RSPH9: variants seen among roughly 807,000 people sequenced by gnomAD.
RSPH9 encodes the protein radial spoke head component 9, also known as radial spoke head protein 9 homolog.
In RSPH9, 27 loss-of-function variants were observed where a neutral mutation model predicts 27.0. The observed-to-expected ratio is 1.00, with a 90% confidence interval of 0.74 to 1.38. RSPH9 has a LOEUF of 1.38. Ranked by LOEUF, RSPH9 falls within the 40% of genes most tolerant of loss-of-function variation. RSPH9 has a pLI of 0.00. For synonymous variants in RSPH9, 145 were observed against 147.7 expected (o/e 0.98, Z 0.13); for missense variants, 347 against 357.4 (o/e 0.97, Z 0.24).
In RSPH9 at chr6:43,655,612, C is replaced by T. The variant is rs1771921920; in HGVS notation, c.444C>T (p.Asp148=). The T allele has an allele frequency of 6.2e-7, 1 of 1,614,072 alleles. No homozygotes were observed. The highest frequency in any genetic ancestry group is 1.3e-5 in the African/African-American group (1 of 74,926). The change falls in exon 3 of 5, where the codon GAC becomes GAT. Residue 148 remains aspartate (D), a synonymous_variant. Transcript: ENST00000372163. ...TGGTGTCTGTCATTGACCAGATTGA[C>T]AAGGCTGTGGCCATCATCCCCCGAG... ...TRLVSVIDQI[D]KAVAIIPRGA... is the part of the protein sequence containing the mutation.
intron 1 of RSPH9, 59 bp downstream of exon 1, chr6:43,645,384 T>TGGGGGGGGGG: frequency 8.9e-6 from 1 of 112,666 alleles, no homozygotes; most frequent in East Asian, 2.6e-4. Context: ...CAGGGCGGGG[T>TGGGGGGGGGG]GGGCGGGTCG....
intron 1 of RSPH9, among the ~76,000 whole-genome samples, chr6:43,650,167 G>A (rs1771298246): frequency 6.6e-6 from 1 of 152,222 alleles, no homozygotes; most frequent in African/African-American, 2.4e-5. Context: ...GCTCACCTCA[G>A]CCTCCCAAAG....
Position 43,672,513 on chromosome 6 carries a change from C to A in RSPH9, c.*1564C>A. 1 of 454,892 alleles carries A rather than the reference C, an allele frequency of 2.2e-6. No homozygotes were observed. Among genetic ancestry groups the A allele is most frequent in the Non-Finnish European group, 4.6e-6 (1 of 216,854 alleles). 28.2% of individuals were successfully genotyped at this position (454,892 alleles called of 1,614,324 possible). On this transcript the variant is annotated 3_prime_UTR_variant, in exon 5 of 5. Coordinates refer to ENST00000372163, the MANE Select transcript of RSPH9 (RefSeq NM_152732.5). ...GACCTTTGGCCTCCTTTGGGGATGGCCAGGGCCCTGATAGTTCCCAGAAAA... is the reference window on the plus strand; with the variant it reads ...GACCTTTGGCCTCCTTTGGGGATGGACAGGGCCCTGATAGTTCCCAGAAAA...
chr6:43,646,215 T>TC (rs1051377294), intron 1 of RSPH9, among the ~76,000 whole-genome samples: 1 of 152,028 alleles, frequency 6.6e-6, no homozygotes, highest in African/African-American at 2.4e-5. Context: ...CACTGCAAGC[T>TC]CCGCCTCCTG....
chr6:43,664,376 G>A (rs1312810505), intron 4 of RSPH9, among the ~76,000 whole-genome samples: 3 of 152,130 alleles, frequency 2.0e-5, no homozygotes, highest in Non-Finnish European at 2.9e-5. Context: ...GACTACAGGC[G>A]TGAGCCACTG....
At chr6:43,657,462 CAG>C (rs1036129220) in intron 4 of RSPH9, among the ~76,000 whole-genome samples, 11 of 152,176 alleles carry the variant, frequency 7.2e-5, no homozygotes, top group African/African-American at 7.2e-5. Context: ...GATGAAGAAA[CAG>C]GGGCTCAGAG....
intron 2 of RSPH9, among the ~76,000 whole-genome samples, chr6:43,654,739 C>G (rs879281507): frequency 1.3e-5 from 2 of 152,124 alleles, no homozygotes; most frequent in Non-Finnish European, 2.9e-5. Context: ...AGGAGAATCT[C>G]TTGAACCTAG....
intron 4 of RSPH9, among the ~76,000 whole-genome samples, chr6:43,667,713 A>AG (rs1429203326): frequency 6.6e-6 from 1 of 151,994 alleles, no homozygotes; most frequent in Non-Finnish European, 1.5e-5. Flanking sequence ...TCAGGCCTCT[A>AG]GGGGGTATAT....
chr6:43,671,892 C>T lies in RSPH9; in HGVS notation c.*943C>T. The T allele has an allele frequency of 6.2e-7, 1 of 1,610,400 alleles. No homozygotes were observed. The highest frequency in any genetic ancestry group is 8.5e-7 in the Non-Finnish European group (1 of 1,178,158). On this transcript the variant is annotated 3_prime_UTR_variant, in exon 5 of 5. Coordinates refer to ENST00000372163, the MANE Select transcript of RSPH9 (RefSeq NM_152732.5). ...GATGGGCTTGACGGAGCCAGGAGCC[C>T]AGCGCGTCAGGTACCTGTGGAGGGA...
chr6:43,656,591 G>A lies in RSPH9; in HGVS notation c.538G>A (p.Glu180Lys), dbSNP rs1354678911. The change falls in exon 4 of 5, where the codon GAG becomes AAG. Residue 180 changes from glutamate (E) to lysine (K), a missense_variant. Physicochemically the swap from Glu to Lys is moderately conservative, Grantham distance 56 (BLOSUM62 1). Transcript: ENST00000372163. ...NRTFEGLSLS[E>K]AKKLSSYFHF... Reference sequence around the variant, plus strand: ...CCTCTTTCTAGGACTGTCCTTGTCTGAGGCCAAGAAGCTCAGCTCCTACTT... The same window carrying A: ...CCTCTTTCTAGGACTGTCCTTGTCTAAGGCCAAGAAGCTCAGCTCCTACTT... 1 of 1,614,226 alleles carries A rather than the reference G, an allele frequency of 6.2e-7. No individual in the cohort carries two copies. Among genetic ancestry groups the A allele is most frequent in the East Asian group, 2.2e-5 (1 of 44,890 alleles).
chr6:43,666,934 A>G (rs1158990002), intron 4 of RSPH9, among the ~76,000 whole-genome samples: 2 of 152,072 alleles, frequency 1.3e-5, no homozygotes, highest in East Asian at 1.9e-4. Flanking sequence ...AGCAGAGATG[A>G]GGTTTCACCA....
chr6:43,667,436 C>T (rs973081755), intron 4 of RSPH9, among the ~76,000 whole-genome samples: 1 of 129,784 alleles, frequency 7.7e-6, no homozygotes, highest in Non-Finnish European at 1.5e-5. Flanking sequence ...TGCCTGCCTA[C>T]CTGGAAAGCA....
chr6:43,651,712 C>A (rs1771488365), intron 2 of RSPH9, among the ~76,000 whole-genome samples: 1 of 152,028 alleles, frequency 6.6e-6, no homozygotes, highest in African/African-American at 2.4e-5. Flanking sequence ...CCACACCCAG[C>A]TAATTTTTGT....
rs572704964 is a variant in RSPH9, at chr6:43,670,990, A to G, written c.*41A>G. The G allele has an allele frequency of 5.0e-6, 8 of 1,613,194 alleles. No individual in the cohort carries two copies. The highest frequency in any genetic ancestry group is 4.4e-5 in the South Asian group (4 of 90,914). On this transcript the variant is annotated 3_prime_UTR_variant, in exon 5 of 5. Transcript: ENST00000372163. ...GGATGTTTTTAAACAGAGTCTAAAC[A>G]TGATTTTCTTAAGCTTCAGTGAACT...
chr6:43,657,138 C>T (rs554804887), intron 4 of RSPH9, among the ~76,000 whole-genome samples: 1 of 152,308 alleles, frequency 6.6e-6, no homozygotes, highest in East Asian at 1.9e-4. Flanking sequence ...CCATTTCCTT[C>T]CCTTGAGCAT....
intron 4 of RSPH9, 67 bp downstream of exon 4, chr6:43,656,790 G>A: frequency 6.4e-7 from 1 of 1,564,038 alleles, no homozygotes. Flanking sequence ...CATGCCACCT[G>A]CCATTTTCCT....
chr6:43,662,079 T>C (rs1220927961), intron 4 of RSPH9, among the ~76,000 whole-genome samples: 3 of 152,128 alleles, frequency 2.0e-5, no homozygotes, highest in Non-Finnish European at 4.4e-5. Context: ...AGGGTCTCCC[T>C]ATGTTGCCCA....
chr6:43,665,265 G>A (rs1202858557), intron 4 of RSPH9, among the ~76,000 whole-genome samples: 1 of 152,222 alleles, frequency 6.6e-6, no homozygotes, highest in Non-Finnish European at 1.5e-5. Flanking sequence ...GCTGTCTCGG[G>A]TAAGGTGGAC....
At chr6:43,652,712 C>T (rs1204107603) in intron 2 of RSPH9, among the ~76,000 whole-genome samples, 1 of 150,126 alleles carries the variant, frequency 6.7e-6, no homozygotes, top group Admixed American at 6.6e-5. Flanking sequence ...AGGCGTGAGC[C>T]ACCATGCCCA....
Sources: allele counts gnomAD v4.1 joint callset (sites outside exome capture counted in the v4.1 genomes callset), GRCh38; gene constraint gnomAD v4.1.1; transcripts MANE v1.5; gene names NCBI Gene and HGNC (gene_info 2026-07-23, HGNC 2026-07-21).